The following GGA2 variants were observed in gnomAD, a reference collection of about 807,000 sequenced individuals.
GGA2 encodes the protein ADP-ribosylation factor-binding protein GGA2.
Under a neutral mutation model 79.5 loss-of-function variants are expected in GGA2, and 48 were observed. The observed-to-expected ratio is 0.60, with a 90% CI of 0.48 to 0.77. The LOEUF (loss-of-function observed/expected upper bound fraction) is 0.77. Among genes scored for constraint, GGA2 ranks in the 30% least tolerant of loss-of-function variants. GGA2 has a pLI of 0.00. For missense variants in GGA2, 770 were observed against 774.0 expected (o/e 0.99, Z 0.06); for synonymous variants, 317 against 302.0 (o/e 1.05, Z -0.51).
intron 2 of GGA2, among the ~76,000 whole-genome samples, chr16:23,516,263 C>T (rs992492437): frequency 6.6e-6 from 1 of 152,100 alleles, no homozygotes; most frequent in Non-Finnish European, 1.5e-5. Context: ...CCTCTTGCCT[C>T]GGCTTCCCAA....
At position 23,510,360 on chromosome 16, in the gene GGA2, C is replaced by A; in HGVS notation, c.52G>T (p.Gly18Cys). The change falls in exon 1 of 17, where the codon GGT becomes TGT. Residue 18 changes from glycine (G) to cysteine (C), a missense_variant. Coordinates refer to ENST00000309859, the MANE Select transcript of GGA2 (RefSeq NM_015044.4). ...AAVAGTESAQ[G>C]PPGPAASLEL... ...AGCGACGCTGCCGGGCCCGGGGGAC[C>A]CTGGGCCGACTCGGTTCCCGCCACA... The A allele has an allele frequency of 7.0e-7, 1 of 1,431,368 alleles. No individual in the cohort carries two copies. The highest frequency in any genetic ancestry group is 1.5e-5 in the African/African-American group (1 of 67,810). 88.7% of individuals were successfully genotyped at this position (1,431,368 alleles called of 1,614,324 possible).
At chr16:23,507,300 G>A (rs1182053398) in intron 1 of GGA2, among the ~76,000 whole-genome samples, 1 of 152,122 alleles carries the variant, frequency 6.6e-6, no homozygotes, top group Non-Finnish European at 1.5e-5. Context: ...AAAAGCTGGA[G>A]CTTAATACAA....
chr16:23,524,100 A>G, upstream of GGA2: 1 of 504,122 alleles, frequency 2.0e-6, no homozygotes, highest in Non-Finnish European at 3.6e-6. Flanking sequence ...AACTAACTCC[A>G]AACCTCTGCT....
rs1964424451 is a variant in GGA2, at chr16:23,465,499, T to G, written c.*2091A>C. ...AAGCAAGAATGTTCAGGTACACATG[T>G]GTGAGTTCACCTCCTAACTATAGGG... On this transcript the variant is annotated 3_prime_UTR_variant, in exon 17 of 17. Transcript: ENST00000309859. 1 of 691,412 alleles carries G rather than the reference T, an allele frequency of 1.4e-6. No individual in the cohort carries two copies. Among genetic ancestry groups the G allele is most frequent in the African/African-American group, 1.8e-5 (1 of 57,044 alleles). 42.8% of individuals were successfully genotyped at this position (691,412 alleles called of 1,614,324 possible). A position where few individuals can be genotyped will look rare whatever the true frequency, so the allele number is the denominator to read the frequency against.
chr16:23,485,885 G>A (rs1964705187), intron 8 of GGA2, 130 bp downstream of exon 8: 4 of 821,430 alleles, frequency 4.9e-6, no homozygotes, highest in East Asian at 2.5e-5. Context: ...GCAGCACAAC[G>A]ACATTTGGGG....
Position 23,517,955 on chromosome 16 carries a change from C to T in GGA2, c.61+1632G>A, listed in dbSNP as rs532555199. ...ATTTTTTGAGATGGAGTCTGTCACCCAGGCTGGAGTGCAGTGTTGTGATCT... is the reference window on the plus strand; with the variant it reads ...ATTTTTTGAGATGGAGTCTGTCACCTAGGCTGGAGTGCAGTGTTGTGATCT... On this transcript the variant is annotated intron_variant, in intron 2 of 5. Transcript: ENST00000569300. Among the ~76,000 whole-genome samples the T allele has an allele frequency of 3.7e-4, 56 of 151,360 alleles. No homozygotes were observed. In the South Asian group the frequency reaches 9.6e-3, roughly 26 times the overall value.
At position 23,510,323 on chromosome 16, in the gene GGA2, A is replaced by G. The variant is rs974675998; in HGVS notation, c.89T>C (p.Leu30Pro). The change falls in exon 1 of 17, where the codon CTC (leucine) becomes CCC (proline). Residue 30 changes from leucine (L) to proline (P), a missense_variant and splice_region_variant. Coordinates refer to ENST00000309859, the MANE Select transcript of GGA2 (RefSeq NM_015044.4). ...CGAAGGCCTGCCAGGCTACTCACTG[A>G]GCCACAGCTCCAGCGACGCTGCCGG... ...PGPAASLELW[L>P]NKATDPSMSE... The G allele has an allele frequency of 1.4e-6, 2 of 1,433,650 alleles. No homozygotes were observed. Among genetic ancestry groups the G allele is most frequent in the African/African-American group, 3.0e-5 (2 of 67,390 alleles). The allele number at this position is 1,433,650 out of a possible 1,614,324, so 88.8% of individuals were successfully genotyped here. A position where few individuals can be genotyped will look rare whatever the true frequency, so the allele number is the denominator to read the frequency against.
chr16:23,491,437 T>C (rs1174153681), intron 5 of GGA2, among the ~76,000 whole-genome samples: 1 of 151,630 alleles, frequency 6.6e-6, no homozygotes, highest in Non-Finnish European at 1.5e-5. Flanking sequence ...TTTCCTATGA[T>C]TTCCAGGCAA....
intron 8 of GGA2, among the ~76,000 whole-genome samples, chr16:23,483,604 G>A (rs1051132461): frequency 1.7e-4 from 26 of 152,130 alleles, no homozygotes; most frequent in Non-Finnish European, 2.8e-4. Flanking sequence ...TGGCTGCCTC[G>A]AACCTGGCAC....
At chr16:23,508,122 G>A (rs986170921) in intron 1 of GGA2, among the ~76,000 whole-genome samples, 1 of 151,412 alleles carries the variant, frequency 6.6e-6, no homozygotes, top group African/African-American at 2.4e-5. Context: ...GAGTGCAGCG[G>A]TGCAATCTTG....
chr16:23,493,598 G>A (rs1322666148), intron 3 of GGA2, 140 bp from the exon 4 acceptor site: 1 of 631,702 alleles, frequency 1.6e-6, no homozygotes, highest in Non-Finnish European at 2.8e-6. Context: ...CTGAAGTTTT[G>A]ATGAAGAGGA....
At chr16:23,505,392 C>G (rs1054022131) in intron 1 of GGA2, among the ~76,000 whole-genome samples, 1 of 152,034 alleles carries the variant, frequency 6.6e-6, no homozygotes, top group African/African-American at 2.4e-5. Flanking sequence ...AACAGGGACC[C>G]GGTTAAATGG....
intron 1 of GGA2, among the ~76,000 whole-genome samples, chr16:23,509,768 A>T (rs1247993048): frequency 6.7e-6 from 1 of 149,596 alleles, no homozygotes; most frequent in African/African-American, 2.5e-5. Flanking sequence ...ACGCACACAC[A>T]CACACACGTG....
rs200883820 is a variant in GGA2, at chr16:23,501,340, TG to T, written c.92-5563del. On this transcript the variant is annotated intron_variant, in intron 1 of 16. Transcript: ENST00000309859. The stretch of plus-strand genomic sequence containing the variant: ...TTGCCTCCAAGGTTTGGAGAAATCA[TG>T]GTCTGTGGAGTGTGGATGACAGCCA... 1,058 of 457,226 alleles carry T rather than the reference TG, an allele frequency of 2.3e-3. 10 individuals carry two copies. Among genetic ancestry groups the T allele is most frequent in the African/African-American group, 0.02 (991 of 50,188 alleles). The allele number at this position is 457,226 out of a possible 1,614,324, so 28.3% of individuals were successfully genotyped here.
At chr16:23,514,349 C>T (rs1965091438), upstream of GGA2, among the ~76,000 whole-genome samples, 1 of 152,138 alleles carries the variant, frequency 6.6e-6, no homozygotes, top group Non-Finnish European at 1.5e-5. Context: ...CTCAAATGAT[C>T]CGCCCACCTC....
chr16:23,465,902 C>G lies in GGA2; in HGVS notation c.*1688G>C, dbSNP rs1356311929. ...ATTGCAGTGAGCTGAGATTATACCA[C>G]CGCACTCCAGCCTGAGTGACAGAGT... On this transcript the variant is annotated 3_prime_UTR_variant, in exon 17 of 17. Coordinates refer to ENST00000309859, the MANE Select transcript of GGA2 (RefSeq NM_015044.4). 6.5e-6 allele frequency: 1 copy of G among 154,956 alleles called. No homozygotes were observed. The highest frequency in any genetic ancestry group is 1.4e-5 in the Non-Finnish European group (1 of 69,600). 9.6% of individuals were successfully genotyped at this position (154,956 alleles called of 1,614,324 possible).
chr16:23,469,054 A>C lies in GGA2; in HGVS notation c.1621-58T>G. ...TTCCTAACCACAGCTTCTAGGATGG[A>C]GATCAGGTGAGGGGGAGCTGGACCT... On this transcript the variant is annotated intron_variant, in intron 15 of 16. Transcript: ENST00000309859. 2.8e-6 allele frequency: 3 copies of C among 1,073,424 alleles called. No homozygotes were observed. The East Asian group carries it at 7.2e-5, about 26-fold the overall frequency. The allele number at this position is 1,073,424 out of a possible 1,614,324, so 66.5% of individuals were successfully genotyped here. A position where few individuals can be genotyped will look rare whatever the true frequency, so the allele number is the denominator to read the frequency against.
At position 23,480,685 on chromosome 16, in the gene GGA2, G is replaced by A; in HGVS notation, c.966C>T (p.Asn322=). The change falls in exon 10 of 17, where the codon AAC becomes AAT. Residue 322 remains asparagine (N), a synonymous_variant. Transcript: ENST00000309859. ...QVMEGRVTFG[N]RVTSSLGDIP... The stretch of plus-strand genomic sequence containing the variant: ...TGTCTCCCAATGAGCTGGTCACTCT[G>A]TTTCCAAAGGTGACCCGGCCCTCCA... The A allele has an allele frequency of 6.2e-7, 1 of 1,613,118 alleles. No individual in the cohort carries two copies. Among genetic ancestry groups the A allele is most frequent in the Non-Finnish European group, 8.5e-7 (1 of 1,179,048 alleles).
intron 9 of GGA2, among the ~76,000 whole-genome samples, chr16:23,481,974 A>G (rs1425193966): frequency 1.3e-5 from 2 of 151,424 alleles, no homozygotes; most frequent in African/African-American, 4.9e-5. Flanking sequence ...GATTATTCTG[A>G]AATGTCCAGA....
Sources: allele counts gnomAD v4.1 joint callset (sites outside exome capture counted in the v4.1 genomes callset), GRCh38; gene constraint gnomAD v4.1.1; transcripts MANE v1.5; gene names NCBI Gene and HGNC (gene_info 2026-07-23, HGNC 2026-07-21).